Variants in THSD7B observed in about 807,000 individuals in gnomAD.
The protein encoded by THSD7B is thrombospondin type-1 domain-containing protein 7B.
Under a neutral mutation model 213.6 loss-of-function variants are expected in THSD7B, and 138 were observed. The observed-to-expected ratio is 0.65, with a 90% confidence interval of 0.56 to 0.74. The LOEUF (loss-of-function observed/expected upper bound fraction) is 0.74, where lower values mean the gene tolerates loss of function less well. THSD7B is among the 30% of genes least tolerant of loss of function. THSD7B has a pLI of 0.00. For synonymous variants in THSD7B, 742 were observed against 687.0 expected (o/e 1.08, Z -1.25); for missense variants, 1,931 against 1,991.5 (o/e 0.97, Z 0.58).
intron 27 of THSD7B, among the ~76,000 whole-genome samples, chr2:137,670,869 C>T (rs1232457015): frequency 1.4e-5 from 2 of 139,392 alleles, no homozygotes; most frequent in African/African-American, 2.8e-5. Context: ...TGCAGTGAGC[C>T]AAGATTGCGC....
chr2:137,294,252 A>C (rs966076160), intron 12 of THSD7B, among the ~76,000 whole-genome samples: 16 of 151,968 alleles, frequency 1.1e-4, no homozygotes, highest in African/African-American at 3.9e-4. Context: ...GTTTTCGATA[A>C]TTTCAGTTTC....
chr2:137,160,914 G>A (rs913444725), intron 6 of THSD7B, among the ~76,000 whole-genome samples: 16 of 152,156 alleles, frequency 1.1e-4, no homozygotes, highest in African/African-American at 3.9e-4. Flanking sequence ...GAGCCACTGT[G>A]CCTGGCCACT....
At chr2:137,487,513 T>G (rs1236495915) in intron 15 of THSD7B, among the ~76,000 whole-genome samples, 1 of 150,896 alleles carries the variant, frequency 6.6e-6, no homozygotes, top group East Asian at 1.9e-4. Flanking sequence ...AAAAATTTAA[T>G]GAATCCAGGA....
chr2:137,269,197 C>T (rs531296856), intron 10 of THSD7B, among the ~76,000 whole-genome samples: 1 of 152,270 alleles, frequency 6.6e-6, no homozygotes, highest in Non-Finnish European at 1.5e-5. Context: ...TCAGTTTCTC[C>T]TCTGGAAAAT....
At chr2:136,951,546 T>C (rs1685038812) in intron 2 of THSD7B, among the ~76,000 whole-genome samples, 1 of 152,180 alleles carries the variant, frequency 6.6e-6, no homozygotes. Flanking sequence ...AGAGAAAATA[T>C]GGCATGTCTC....
chr2:137,372,323 CT>C (rs55635315), intron 12 of THSD7B, among the ~76,000 whole-genome samples: 9,745 of 56,560 alleles, frequency 0.17, 413 homozygotes, highest in South Asian at 0.31. Context: ...TGATAATACT[CT>C]TTTTTTTTTT....
At chr2:137,359,620 C>A (rs548129838) in intron 12 of THSD7B, among the ~76,000 whole-genome samples, 9 of 152,090 alleles carry the variant, frequency 5.9e-5, no homozygotes, top group Admixed American at 1.3e-4. Context: ...CTGGATTTAA[C>A]CCTGACCCAC....
chr2:136,767,385 C>T (rs1483445939), intron 1 of THSD7B, among the ~76,000 whole-genome samples: 1 of 151,332 alleles, frequency 6.6e-6, no homozygotes, highest in African/African-American at 2.4e-5. Context: ...GTGGCCAGTT[C>T]TCTGTTTTCT....
In THSD7B at chr2:137,556,074, C is replaced by T. The variant is rs565060755; in HGVS notation, c.3139-7147C>T. Among the ~76,000 whole-genome samples, 23 of 152,182 alleles carry T rather than the reference C, an allele frequency of 1.5e-4. No homozygotes were observed. The South Asian group carries it at 2.7e-3, about 18-fold the overall frequency. On this transcript the variant is annotated intron_variant, in intron 15 of 27. Transcript: ENST00000409968. ...ACCAAATCTACGTCTAATTGGTGTA[C>T]GTAAAAGTGATGGAGAGAAAGGAAC...
At chr2:136,839,037 C>T (rs1428791165) in intron 1 of THSD7B, among the ~76,000 whole-genome samples, 2 of 152,166 alleles carry the variant, frequency 1.3e-5, no homozygotes, top group Non-Finnish European at 2.9e-5. Context: ...TGCTTTAGTC[C>T]ACTAACCTAG....
At chr2:136,943,355 T>A (rs1684865801) in intron 2 of THSD7B, among the ~76,000 whole-genome samples, 1 of 152,158 alleles carries the variant, frequency 6.6e-6, no homozygotes, top group African/African-American at 2.4e-5. Context: ...TTTTGTTGTG[T>A]CTCTGCTAGG....
rs116564535 is a variant in THSD7B at position 137,209,866 on chromosome 2, G to A, written c.1724-21178G>A. On this transcript the variant is annotated intron_variant, in intron 7 of 27. Transcript: ENST00000409968. Reference sequence around the variant, plus strand: ...GTATCTCAGAAGATAACCATGTGGTGATGGGGCCTTCAAAGAATGATTAAG... The same window carrying A: ...GTATCTCAGAAGATAACCATGTGGTAATGGGGCCTTCAAAGAATGATTAAG... 2.2e-3 allele frequency among the ~76,000 whole-genome samples: 338 copies of A among 152,184 alleles called. 3 individuals carry two copies. The highest frequency in any genetic ancestry group is 7.5e-3 in the African/African-American group (310 of 41,552).
intron 17 of THSD7B, among the ~76,000 whole-genome samples, chr2:137,586,935 C>T (rs1219801160): frequency 6.6e-6 from 1 of 152,188 alleles, no homozygotes; most frequent in Non-Finnish European, 1.5e-5. Flanking sequence ...GAGTGTTTTC[C>T]AACTTGGTTC....
intron 12 of THSD7B, among the ~76,000 whole-genome samples, chr2:137,344,196 T>A (rs149838444): frequency 6.6e-6 from 1 of 151,364 alleles, no homozygotes; most frequent in Non-Finnish European, 1.5e-5. Flanking sequence ...CCGAAGCCAC[T>A]CCCCCATATC....
rs575876839 is a variant in THSD7B at position 137,618,804 on chromosome 2, C to T, written c.3681+297C>T. Among the ~76,000 whole-genome samples the T allele has an allele frequency of 1.1e-3, 163 of 152,158 alleles. 1 individual carries two copies. The highest frequency in any genetic ancestry group is 3.6e-3 in the African/African-American group (151 of 41,528). ...TGTTTGCCAAACTGTTGACCTTGGGCGACTTTAATATTTAAATGTGATTCT... is the reference window on the plus strand; with the variant it reads ...TGTTTGCCAAACTGTTGACCTTGGGTGACTTTAATATTTAAATGTGATTCT... On this transcript the variant is annotated intron_variant, in intron 19 of 27. Transcript: ENST00000409968.
intron 12 of THSD7B, among the ~76,000 whole-genome samples, chr2:137,365,100 A>G (rs1685375270): frequency 6.6e-6 from 1 of 152,230 alleles, no homozygotes; most frequent in South Asian, 2.1e-4. Context: ...ACCTACAGCC[A>G]TATGATCTTT....
intron 14 of THSD7B, among the ~76,000 whole-genome samples, chr2:137,421,634 T>C (rs1479797949): frequency 6.6e-6 from 1 of 152,190 alleles, no homozygotes; most frequent in Admixed American, 6.5e-5. Context: ...CTTGAGTTTT[T>C]ATGGAAGTTT....
chr2:136,925,287 G>A (rs1425175235), intron 2 of THSD7B, among the ~76,000 whole-genome samples: 1 of 152,142 alleles, frequency 6.6e-6, no homozygotes, highest in Non-Finnish European at 1.5e-5. Context: ...TTTCACCATT[G>A]AGTATGTTAT....
intron 12 of THSD7B, among the ~76,000 whole-genome samples, chr2:137,310,822 C>G (rs1452253829): frequency 6.6e-6 from 1 of 151,870 alleles, no homozygotes; most frequent in African/African-American, 2.4e-5. Context: ...TGTAGATATG[C>G]GGCGTTATTT....
Sources: gnomAD v4.1 joint callset for allele counts (sites outside exome capture counted in the v4.1 genomes callset) on GRCh38, gnomAD v4.1.1 for gene constraint, MANE v1.5 for transcripts, NCBI Gene and HGNC (gene_info 2026-07-23, HGNC 2026-07-21) for gene names.